Variants in ATL2 observed in about 807,000 individuals in gnomAD.
The protein encoded by ATL2 is atlastin GTPase 2.
A neutral mutation model predicts 73.9 loss-of-function variants in ATL2; 31 were observed. The ratio of observed to expected loss-of-function variants is 0.42; its 90% CI spans 0.32 to 0.57. The LOEUF is 0.57. Ranked by LOEUF, ATL2 falls within the 20% of genes least tolerant of loss-of-function variation. The pLI is 0.14. For synonymous variants in ATL2, 291 were observed against 237.5 expected, an observed-to-expected ratio of 1.23 and a Z score of -2.07; for missense variants, 738 against 702.6, an observed-to-expected ratio of 1.05 and a Z score of -0.57.
At chr2:38,364,708 T>C (rs1293697585) in intron 1 of ATL2, among the ~76,000 whole-genome samples, 1 of 152,232 alleles carries the variant, frequency 6.6e-6, no homozygotes, top group Non-Finnish European at 1.5e-5. Context: ...AAGGTTTCCT[T>C]GACTCAGGCA....
chr2:38,310,579 A>G (rs1320242840), intron 7 of ATL2, 132 bp from the exon 8 acceptor site: 1 of 617,922 alleles, frequency 1.6e-6, no homozygotes, highest in Non-Finnish European at 2.5e-6. Context: ...CTTTTTTGAC[A>G]ATACAAAAAA....
intron 1 of ATL2, among the ~76,000 whole-genome samples, chr2:38,376,899 C>A (rs933181853): frequency 2.5e-4 from 38 of 150,682 alleles, no homozygotes; most frequent in African/African-American, 9.2e-4. Context: ...GTCGCAGACG[C>A]GCGCGCCACT....
intron 9 of ATL2, among the ~76,000 whole-genome samples, chr2:38,302,604 A>G (rs1667246205): frequency 6.6e-6 from 1 of 152,226 alleles, no homozygotes; most frequent in Admixed American, 6.5e-5. Flanking sequence ...AGCTCCAGGC[A>G]GCTCAGCACA....
At chr2:38,366,521 CT>C (rs1160405062) in intron 1 of ATL2, among the ~76,000 whole-genome samples, 3 of 152,106 alleles carry the variant, frequency 2.0e-5, no homozygotes, top group Non-Finnish European at 2.9e-5. Flanking sequence ...TACTGCCTAT[CT>C]TTTTTATCTT....
chr2:38,332,098 T>C (rs1669030222), intron 2 of ATL2, among the ~76,000 whole-genome samples: 1 of 152,194 alleles, frequency 6.6e-6, no homozygotes, highest in Non-Finnish European at 1.5e-5. Flanking sequence ...CTTACATGAA[T>C]GTCCACAGAG....
rs1027227076 is a variant in ATL2, at chr2:38,365,627, A to T, written c.118+11516T>A. Among the ~76,000 whole-genome samples, 3 of 151,902 alleles carry T rather than the reference A, an allele frequency of 2.0e-5. No individual in the cohort carries two copies. The East Asian group carries it at 5.8e-4, about 29-fold the overall frequency. On this transcript the variant is annotated intron_variant, in intron 1 of 12. Transcript: ENST00000378954. ...AACATAGTGAAACCCCATCTCTACT[A>T]AAAATACAAAAAAATTAGCCAGGCG... is the stretch of plus-strand genomic sequence containing the variant.
intron 2 of ATL2, among the ~76,000 whole-genome samples, chr2:38,329,691 T>C (rs1037430000): frequency 9.9e-5 from 15 of 151,934 alleles, no homozygotes; most frequent in Non-Finnish European, 1.0e-4. Flanking sequence ...AATGCAAAAA[T>C]CCTTGACAAA....
At chr2:38,369,606 C>T (rs190342065) in intron 1 of ATL2, among the ~76,000 whole-genome samples, 100 of 150,874 alleles carry the variant, frequency 6.6e-4, no homozygotes, top group African/African-American at 2.4e-3. Context: ...TTTTAATTAG[C>T]CAGGCATGGT....
chr2:38,375,294 A>T (rs1277580313), intron 1 of ATL2, among the ~76,000 whole-genome samples: 1 of 152,216 alleles, frequency 6.6e-6, no homozygotes, highest in Non-Finnish European at 1.5e-5. Context: ...TACCAAGCTC[A>T]TTTAGTTTTT....
intron 2 of ATL2, among the ~76,000 whole-genome samples, chr2:38,337,380 A>G (rs10084313): frequency 0.43 from 63,273 of 148,142 alleles, 16,269 homozygotes; most frequent in African/African-American, 0.74. Flanking sequence ...CAGCTACTTG[A>G]GAGGCTGAGG....
In ATL2 at chr2:38,299,258, G is replaced by C. The variant is rs1667063159; in HGVS notation, c.1198C>G (p.Gln400Glu). 6.6e-7 allele frequency: 1 copy of C among 1,512,146 alleles called. No homozygotes were observed. Among genetic ancestry groups the C allele is most frequent in the South Asian group, 1.4e-5 (1 of 72,788 alleles). 93.7% of individuals were successfully genotyped at this position (1,512,146 alleles called of 1,614,324 possible). A position where few individuals can be genotyped will look rare whatever the true frequency, so the allele number is the denominator to read the frequency against. ...AAATTTAAATTTTAGGTACAAACCT[G>C]TTCCATACTTTTACAATAGGTATCT... ...ARDTYCKSME[Q>E]VCGGDKPYIA... The change falls in exon 11 of 13, where the codon CAG becomes GAG. Residue 400 changes from glutamine (Q) to glutamate (E), a missense_variant and splice_region_variant. By Grantham distance (29) the Gln-to-Glu change is conservative. Coordinates refer to ENST00000378954, the MANE Select transcript of ATL2 (RefSeq NM_001135673.4).
At position 38,377,233 on chromosome 2, in the gene ATL2, C is replaced by T. The variant is rs752131280; in HGVS notation, c.28G>A (p.Gly10Arg). Residue 10 changes from glycine (G) to arginine (R), a missense_variant, in exon 1 of 13, where the codon GGG becomes AGG. By Grantham distance (125) the Gly-to-Arg change is moderately radical (BLOSUM62 -2). Coordinates refer to ENST00000378954, the MANE Select transcript of ATL2 (RefSeq NM_001135673.4). MAEGDEAAR[G>R]QQPHQGLWRR... ...CACAGCCCCTGGTGCGGTTGCTGCC[C>T]TCGCGCTGCCTCGTCCCCCTCCGCC... 3.1e-6 allele frequency: 5 copies of T among 1,598,208 alleles called. No individual in the cohort carries two copies. Among genetic ancestry groups the T allele is most frequent in the Non-Finnish European group, 4.3e-6 (5 of 1,173,222 alleles).
intron 2 of ATL2, among the ~76,000 whole-genome samples, chr2:38,340,451 T>C (rs1489253633): frequency 2.0e-5 from 3 of 152,152 alleles, no homozygotes; most frequent in Non-Finnish European, 2.9e-5. Flanking sequence ...AACATTTATT[T>C]AGGAGGGGAA....
intron 1 of ATL2, among the ~76,000 whole-genome samples, chr2:38,350,355 A>C (rs965413794): frequency 6.6e-6 from 1 of 152,172 alleles, no homozygotes; most frequent in Non-Finnish European, 1.5e-5. Context: ...ACACATTAAC[A>C]CTAAGGTACC....
intron 1 of ATL2, among the ~76,000 whole-genome samples, chr2:38,356,481 C>A (rs1488228620): frequency 6.6e-6 from 1 of 152,160 alleles, no homozygotes; most frequent in South Asian, 2.1e-4. Flanking sequence ...GCATGAGCCA[C>A]CACGCCTGGC....
In ATL2 at chr2:38,305,908, A is replaced by G. The variant is rs200182754; in HGVS notation, c.1071+3471T>C. ...AGAGCAAACTAAACCCAAAATTAGA[A>G]GAAGTTAGCGAAATTGAAATAAAAA... is the stretch of plus-strand genomic sequence containing the variant. On this transcript the variant is annotated intron_variant, in intron 9 of 12. Transcript: ENST00000378954. Among the ~76,000 whole-genome samples, 3 of 152,226 alleles carry G rather than the reference A, an allele frequency of 2.0e-5. No individual in the cohort carries two copies. In the East Asian group the frequency reaches 5.8e-4, roughly 29 times the overall value.
intron 2 of ATL2, among the ~76,000 whole-genome samples, chr2:38,320,935 A>T (rs1668285364): frequency 6.6e-6 from 1 of 151,572 alleles, no homozygotes; most frequent in African/African-American, 2.4e-5. Flanking sequence ...ACTTGAGGCT[A>T]GGAGTTCAAG....
chr2:38,329,488 A>G (rs1376836187), intron 2 of ATL2, among the ~76,000 whole-genome samples: 1 of 151,136 alleles, frequency 6.6e-6, no homozygotes, highest in Non-Finnish European at 1.5e-5. Context: ...GGATTTACAA[A>G]GCCCAACTGA....
rs1180121623 is a variant in ATL2, at chr2:38,294,747, G to C, written c.*1247C>G. ...GACACAGAAAAGTAACTTTTTACAAGCTTAGTTTTGAGGTACAATGCCTTA... is the reference window on the plus strand; with the variant it reads ...GACACAGAAAAGTAACTTTTTACAACCTTAGTTTTGAGGTACAATGCCTTA... On this transcript the variant is annotated 3_prime_UTR_variant, in exon 13 of 13. Coordinates refer to ENST00000378954, the MANE Select transcript of ATL2 (RefSeq NM_001135673.4). The C allele has an allele frequency of 6.6e-6, 1 of 151,882 alleles. No homozygotes were observed. The highest frequency in any genetic ancestry group is 1.5e-5 in the Non-Finnish European group (1 of 67,988). 9.4% of individuals were successfully genotyped at this position (151,882 alleles called of 1,614,324 possible). A position where few individuals can be genotyped will look rare whatever the true frequency, so the allele number is the denominator to read the frequency against.
Sources: gnomAD v4.1 joint callset for allele counts (sites outside exome capture counted in the v4.1 genomes callset) on GRCh38, gnomAD v4.1.1 for gene constraint, MANE v1.5 for transcripts, NCBI Gene and HGNC (gene_info 2026-07-23, HGNC 2026-07-21) for gene names.